Variants in UNC80 observed in about 807,000 individuals in gnomAD.
UNC80 encodes protein unc-80 homolog.
In UNC80, 164 loss-of-function variants were observed where a neutral mutation model predicts 384.6. That is an observed-to-expected ratio of 0.43 (90% CI 0.38 to 0.49). The LOEUF (loss-of-function observed/expected upper bound fraction) is 0.49. Ranked by LOEUF, UNC80 falls within the 20% of genes least tolerant of loss-of-function variation. The pLI is 0.00. For synonymous variants in UNC80, 1,486 were observed against 1,527.8 expected (o/e 0.97, Z 0.64); for missense variants, 3,330 against 4,143.0 (o/e 0.80, Z 5.39).
At position 209,973,157 on chromosome 2, in the gene UNC80, G is replaced by A; in HGVS notation, c.8474G>A (p.Ser2825Asn). Residue 2825 changes from serine (S) to asparagine (N), a missense_variant, in exon 56 of 65, where the codon AGC becomes AAC. Ser to Asn is a conservative substitution (Grantham distance 46, BLOSUM62 1). Coordinates refer to ENST00000673920, the MANE Select transcript of UNC80 (RefSeq NM_001371986.1). ...LPPRIISTSRSKNFMLESSPA... is the reference protein window; with the variant it reads ...LPPRIISTSRNKNFMLESSPA... ...CCGCGGATCATCAGCACATCCAGGA[G>A]CAAGAACTTCATGTTAGAGAGCTCC... 6.4e-7 allele frequency: 1 copy of A among 1,551,670 alleles called. No homozygotes were observed. The highest frequency in any genetic ancestry group is 2.0e-5 in the Admixed American group (1 of 50,998).
At chr2:209,819,542 G>A (rs959454067) in intron 12 of UNC80, among the ~76,000 whole-genome samples, 3 of 151,638 alleles carry the variant, frequency 2.0e-5, no homozygotes, top group Admixed American at 1.3e-4. Flanking sequence ...ACATACGTGT[G>A]TGTTTAATAA....
chr2:209,969,695 A>T, intron 52 of UNC80, 73 bp from the exon 53 acceptor site: 1 of 1,527,898 alleles, frequency 6.5e-7, no homozygotes, highest in Non-Finnish European at 8.8e-7. Flanking sequence ...CATCAGAATC[A>T]CTGTCTCATT....
intron 7 of UNC80, among the ~76,000 whole-genome samples, 195 bp downstream of exon 7, chr2:209,794,054 C>T (rs1426028856): frequency 2.6e-5 from 4 of 151,904 alleles, no homozygotes; most frequent in African/African-American, 7.3e-5. Flanking sequence ...CAAACTAGGG[C>T]GAAAGTGGAA....
Position 209,819,129 on chromosome 2 carries a change from T to C in UNC80, c.1830T>C (p.His610=). Reference sequence around the variant, plus strand: ...AGGTGCCTATCCCGGAGATGCCACATGAACCTCTGGCATGTGCTAACCTAC... The same window carrying C: ...AGGTGCCTATCCCGGAGATGCCACACGAACCTCTGGCATGTGCTAACCTAC... ...CNQVPIPEMP[H]EPLACANLPR... is the part of the protein sequence containing the mutation. The change falls in exon 12 of 65, where the codon CAT becomes CAC. Residue 610 remains histidine, a synonymous_variant. Transcript: ENST00000673920. The C allele has an allele frequency of 6.4e-7, 1 of 1,552,280 alleles. No individual in the cohort carries two copies.
intron 17 of UNC80, 123 bp downstream of exon 17, chr2:209,834,291 G>A (rs1417565194): frequency 1.4e-5 from 16 of 1,106,340 alleles, no homozygotes; most frequent in African/African-American, 6.4e-5. Flanking sequence ...ATTATCTTGC[G>A]TAAGTGGTTT....
intron 53 of UNC80, 128 bp downstream of exon 53, chr2:209,970,019 G>C: frequency 8.3e-7 from 1 of 1,210,316 alleles, no homozygotes; most frequent in Non-Finnish European, 1.1e-6. Flanking sequence ...GACGGCTCAG[G>C]TGACACTGAA....
intron 28 of UNC80, among the ~76,000 whole-genome samples, chr2:209,901,296 C>T (rs1171481421): frequency 6.6e-6 from 1 of 152,094 alleles, no homozygotes; most frequent in East Asian, 1.9e-4. Context: ...TGCTCATTTG[C>T]CATTCTGAAA....
Position 209,881,049 on chromosome 2 carries a change from A to G in UNC80, c.4065A>G (p.Arg1355=), listed in dbSNP as rs1481230344. The part of the protein sequence containing the change: ...QLLLEITTFL[R]ETFSCLPRPR... ...TTCTGGAGATTACCACCTTCCTGCG[A>G]GAGACCTTTTCTTGCCTGCCCAGAC... is the stretch of plus-strand genomic sequence containing the variant. The change falls in exon 25 of 65, where the codon CGA becomes CGG. Residue 1355 remains arginine (R), a synonymous_variant. Transcript: ENST00000673920. 6.4e-7 allele frequency: 1 copy of G among 1,551,742 alleles called. No individual in the cohort carries two copies. The highest frequency in any genetic ancestry group is 8.7e-7 in the Non-Finnish European group (1 of 1,147,012).
Position 209,997,090 on chromosome 2 carries a change from C to T in UNC80, c.*1495C>T, listed in dbSNP as rs546329105. The T allele has an allele frequency of 2.0e-5, 3 of 152,128 alleles. No homozygotes were observed. The highest frequency in any genetic ancestry group is 7.2e-5 in the African/African-American group (3 of 41,514). 9.4% of individuals were successfully genotyped at this position (152,128 alleles called of 1,614,324 possible). A position where few individuals can be genotyped will look rare whatever the true frequency, so the allele number is the denominator to read the frequency against. On this transcript the variant is annotated 3_prime_UTR_variant, in exon 65 of 65. Transcript: ENST00000673920. Reference sequence around the variant, plus strand: ...GGAAAATTATTTTTTGTTAGAATTGCTTATTAAATAGGCATACTTTATACT... The same window carrying T: ...GGAAAATTATTTTTTGTTAGAATTGTTTATTAAATAGGCATACTTTATACT...
intron 56 of UNC80, among the ~76,000 whole-genome samples, chr2:209,975,281 G>A (rs2092984230): frequency 6.6e-6 from 1 of 152,148 alleles, no homozygotes; most frequent in Non-Finnish European, 1.5e-5. Flanking sequence ...ACTGCCCCAT[G>A]GCAGACTCCA....
At chr2:209,966,489 A>G (rs1021473740) in intron 51 of UNC80, among the ~76,000 whole-genome samples, 3 of 152,246 alleles carry the variant, frequency 2.0e-5, no homozygotes, top group African/African-American at 7.2e-5. Flanking sequence ...AATTAAATTA[A>G]GTTGGCTTTA....
At chr2:209,936,596 T>C (rs1559358389) in intron 40 of UNC80, among the ~76,000 whole-genome samples, 2 of 152,106 alleles carry the variant, frequency 1.3e-5, no homozygotes, top group Non-Finnish European at 2.9e-5. Flanking sequence ...GATAGCTCTG[T>C]GTGGGTATAT....
intron 7 of UNC80, chr2:209,809,164 A>G: frequency 3.2e-6 from 2 of 624,020 alleles, no homozygotes; most frequent in South Asian, 1.8e-5. Flanking sequence ...GGAGGCCGAT[A>G]CCACCTTCCC....
chr2:209,951,862 A>G (rs561539977), intron 47 of UNC80, among the ~76,000 whole-genome samples: 2 of 151,962 alleles, frequency 1.3e-5, no homozygotes, highest in South Asian at 4.2e-4. Flanking sequence ...CATGCTCTAT[A>G]TATGTCTCTT....
intron 2 of UNC80, 83 bp downstream of exon 2, chr2:209,773,225 A>G (rs2076682058): frequency 8.5e-7 from 1 of 1,173,880 alleles, no homozygotes; most frequent in African/African-American, 1.5e-5. Context: ...AATCAAACGG[A>G]CTATATATAT....
At chr2:209,833,964 A>G (rs1186144077) in intron 16 of UNC80, 38 bp from the exon 17 acceptor site, 2 of 1,544,564 alleles carry the variant, frequency 1.3e-6, no homozygotes, top group African/African-American at 1.4e-5. Flanking sequence ...TCACACAGCT[A>G]TCTTTCTTTC....
In UNC80 at chr2:209,993,378, C is replaced by G. The variant is rs374932020; in HGVS notation, c.9460C>G (p.Arg3154Gly). The G allele has an allele frequency of 5.2e-6, 8 of 1,551,618 alleles. No individual in the cohort carries two copies. In the Admixed American group the frequency reaches 1.2e-4, roughly 23 times the overall value. Residue 3154 changes from arginine to glycine, a missense_variant, in exon 63 of 65, where the codon CGG (arginine) becomes GGG (glycine). Arg to Gly is a moderately radical substitution (Grantham distance 125). Transcript: ENST00000673920. ...TGAACCCAGAAATCGCCAAGGGGCTCGGCTGTCAACCACTCGCAGGAGCAT... is the reference window on the plus strand; with the variant it reads ...TGAACCCAGAAATCGCCAAGGGGCTGGGCTGTCAACCACTCGCAGGAGCAT... ...QTEPRNRQGA[R>G]LSTTRRSIQP...
chr2:209,937,661 T>C, intron 42 of UNC80, 31 bp downstream of exon 42: 1 of 1,478,326 alleles, frequency 6.8e-7, no homozygotes, highest in Non-Finnish European at 9.3e-7. Flanking sequence ...TATTCCATGG[T>C]TTTGTCATGT....
intron 26 of UNC80, among the ~76,000 whole-genome samples, chr2:209,891,329 TATCA>T (rs1311533284): frequency 1.3e-5 from 2 of 152,234 alleles, no homozygotes; most frequent in Admixed American, 6.5e-5. Context: ...TATGAAGAAG[TATCA>T]AATGAATATT....
Sources: gnomAD v4.1 joint callset for allele counts (sites outside exome capture counted in the v4.1 genomes callset) on GRCh38, gnomAD v4.1.1 for gene constraint, MANE v1.5 for transcripts, NCBI Gene and HGNC (gene_info 2026-07-23, HGNC 2026-07-21) for gene names.